The following DRC4 variants were observed in gnomAD, a reference collection of about 807,000 sequenced individuals.
The protein encoded by DRC4 is GAS-11.
At chr16:90,024,668 G>A in the DRC4 span, among the ~76,000 whole-genome samples, 1 of 151,986 alleles carries the variant, frequency 6.6e-6, no homozygotes, top group African/African-American at 2.4e-5. Context: ...TCTTTTTCAG[G>A]GGGAGTTGGG....
the DRC4 span, among the ~76,000 whole-genome samples, chr16:90,030,248 GT>G: frequency 6.6e-6 from 1 of 152,022 alleles, no homozygotes; most frequent in Non-Finnish European, 1.5e-5. Flanking sequence ...ATATGAATTT[GT>G]TTAAATGCTG....
At chr16:90,035,832 T>G in the DRC4 span, 1 of 1,557,374 alleles carries the variant, frequency 6.4e-7, no homozygotes, top group Non-Finnish European at 8.7e-7. Context: ...CATGGAAGTT[T>G]CCAAGGCCAG....
the DRC4 span, chr16:90,022,565 A>T: frequency 1.2e-3 from 899 of 767,628 alleles, 12 homozygotes; most frequent in East Asian, 5.1e-4. Flanking sequence ...GTCTCTAGGG[A>T]CGCACTCCCG....
the DRC4 span, among the ~76,000 whole-genome samples, chr16:90,038,927 C>T: frequency 6.6e-5 from 10 of 152,226 alleles, no homozygotes; most frequent in Non-Finnish European, 1.3e-4. Flanking sequence ...TCTTGAGCCG[C>T]AGTTATATGT....
chr16:90,038,444 G>A, the DRC4 span, among the ~76,000 whole-genome samples: 4 of 152,314 alleles, frequency 2.6e-5, no homozygotes, highest in African/African-American at 4.8e-5. Flanking sequence ...TTTTGTGAAC[G>A]TTTGATCATT....
chr16:90,044,852 C>CAATT, the DRC4 span: 6 of 245,888 alleles, frequency 2.4e-5, no homozygotes, highest in Admixed American at 5.1e-5. Flanking sequence ...AAGTCTCCCA[C>CAATT]AATTTATCCC....
the DRC4 span, chr16:90,036,940 G>T: frequency 1.8e-6 from 1 of 553,160 alleles, no homozygotes; most frequent in Non-Finnish European, 3.2e-6. Flanking sequence ...AGGTGTCATC[G>T]TCACTGCATG....
the DRC4 span, chr16:90,036,461 G>C: frequency 1.9e-6 from 3 of 1,613,878 alleles, no homozygotes; most frequent in Middle Eastern, 1.6e-4. Flanking sequence ...GCTCCACGAA[G>C]TGGAGGAGAG....
chr16:90,042,679 C>A, the DRC4 span: 1 of 679,400 alleles, frequency 1.5e-6, no homozygotes, highest in Non-Finnish European at 2.6e-6. Context: ...CGTGAGGGTG[C>A]AGTCATAGCC....
the DRC4 span, chr16:90,036,389 G>A: frequency 1.1e-5 from 18 of 1,603,220 alleles, no homozygotes; most frequent in African/African-American, 2.0e-4. Flanking sequence ...AGAAATTGAG[G>A]CCAAGTATGA....
chr16:90,028,648 A>G, the DRC4 span, among the ~76,000 whole-genome samples: 1 of 152,210 alleles, frequency 6.6e-6, no homozygotes, highest in East Asian at 1.9e-4. Flanking sequence ...AGGGCTACAG[A>G]ACATAATTAC....
At chr16:90,026,083 T>G in the DRC4 span, among the ~76,000 whole-genome samples, 199 of 152,178 alleles carry the variant, frequency 1.3e-3, 1 homozygote, top group Admixed American at 2.6e-3. Context: ...ATCACACCAC[T>G]GCACTCCAGC....
the DRC4 span, chr16:90,029,099 C>G: frequency 1.6e-6 from 2 of 1,260,296 alleles, no homozygotes; most frequent in South Asian, 1.4e-5. Context: ...GCTTCCCATT[C>G]CTGTGGAGAC....
the DRC4 span, chr16:90,035,615 C>G: frequency 1.2e-6 from 2 of 1,614,112 alleles, no homozygotes; most frequent in South Asian, 2.2e-5. Context: ...GTAGTAATGG[C>G]CGCTTCTCCC....
chr16:90,026,275 G>A, the DRC4 span, among the ~76,000 whole-genome samples: 1 of 152,138 alleles, frequency 6.6e-6, no homozygotes, highest in Non-Finnish European at 1.5e-5. Flanking sequence ...TGTCATGCGT[G>A]GTTTCAGCAA....
At chr16:90,034,515 G>A in the DRC4 span, among the ~76,000 whole-genome samples, 4 of 152,002 alleles carry the variant, frequency 2.6e-5, no homozygotes, top group African/African-American at 4.8e-5. Context: ...CCAGCTACTC[G>A]GGACGCTGAG....
At chr16:90,043,153 G>C in the DRC4 span, 2 of 1,578,978 alleles carry the variant, frequency 1.3e-6, no homozygotes, top group Admixed American at 1.7e-5. Flanking sequence ...GTGGTCCTGA[G>C]CGTGGGGACC....
chr16:90,043,117 C>T, the DRC4 span: 2 of 1,470,480 alleles, frequency 1.4e-6, no homozygotes, highest in Non-Finnish European at 1.8e-6. Context: ...TCACGCTGCC[C>T]CTCCATGGAG....
the DRC4 span, among the ~76,000 whole-genome samples, chr16:90,041,615 C>T: frequency 6.6e-6 from 1 of 152,084 alleles, no homozygotes; most frequent in African/African-American, 2.4e-5. Context: ...ACCAGCCTGG[C>T]CAAGATGGTG....
Sources: gnomAD v4.1 joint callset for allele counts (sites outside exome capture counted in the v4.1 genomes callset) on GRCh38, gnomAD v4.1.1 for gene constraint, MANE v1.5 for transcripts, NCBI Gene and HGNC (gene_info 2026-07-23, HGNC 2026-07-21) for gene names.